SAMD12: variants seen among roughly 807,000 people sequenced by gnomAD.
The protein encoded by SAMD12 is sterile alpha motif domain-containing protein 12.
A neutral mutation model predicts 15.0 loss-of-function variants in SAMD12; 9 were observed. The ratio of observed to expected loss-of-function variants is 0.60; its 90% CI spans 0.36 to 1.05. The LOEUF is 1.05. Ranked by LOEUF, SAMD12 falls within the 50% of genes least tolerant of loss-of-function variation. The pLI, the probability that SAMD12 is intolerant of heterozygous loss-of-function variation, is 0.01. For synonymous variants in SAMD12, 86 were observed against 90.1 expected (o/e 0.96, Z 0.25); for missense variants, 230 against 234.2 (o/e 0.98, Z 0.12).
chr8:118,155,300 G>A, the SAMD12 span, among the ~76,000 whole-genome samples: 2 of 152,016 alleles, frequency 1.3e-5, no homozygotes, highest in Non-Finnish European at 2.9e-5. Flanking sequence ...AATGACAATC[G>A]AATGCTCAGA....
At chr8:118,575,486 G>C (rs1827125133) in intron 2 of SAMD12, among the ~76,000 whole-genome samples, 1 of 152,068 alleles carries the variant, frequency 6.6e-6, no homozygotes, top group Admixed American at 6.6e-5. Context: ...CATGTTAGGA[G>C]CATAAAAAAC....
intron 1 of SAMD12, among the ~76,000 whole-genome samples, chr8:118,582,202 A>G (rs1317098717): frequency 6.6e-6 from 1 of 152,132 alleles, no homozygotes; most frequent in Non-Finnish European, 1.5e-5. Context: ...TTCCCAATCA[A>G]CATTCTGGTG....
exon 5 of SAMD12, chr8:118,189,962 A>G (rs2129721602): frequency 6.6e-6 from 1 of 151,392 alleles, no homozygotes; most frequent in East Asian, 1.9e-4. Flanking sequence ...AAAAAAAAAA[A>G]AAAAAAAGAA....
rs73319370 is a variant in SAMD12, at chr8:118,598,398, A to T, written c.14-17505T>A. Among the ~76,000 whole-genome samples the T allele has an allele frequency of 7.4e-3, 1,123 of 152,302 alleles. 11 individuals carry two copies. The highest frequency in any genetic ancestry group is 0.026 in the African/African-American group (1,060 of 41,548). On this transcript the variant is annotated intron_variant, in intron 1 of 3. Coordinates refer to ENST00000314727, the MANE Select transcript of SAMD12 (RefSeq NM_207506.3). ...CACCAGAGTGTGCAAGCACAGAACA[A>T]AGGCCATCTCCAAGCCAAGTAGAAA...
At chr8:118,259,670 T>C (rs533505787) in intron 4 of SAMD12, among the ~76,000 whole-genome samples, 1 of 152,172 alleles carries the variant, frequency 6.6e-6, no homozygotes, top group African/African-American at 2.4e-5. Flanking sequence ...TTGATCTCAT[T>C]TGATTTTCAT....
chr8:118,521,521 T>C (rs899836622), intron 2 of SAMD12, among the ~76,000 whole-genome samples: 8 of 152,232 alleles, frequency 5.3e-5, no homozygotes, highest in Non-Finnish European at 7.3e-5. Flanking sequence ...ACTACTTCCA[T>C]ATTTATCCTC....
chr8:118,436,855 C>T (rs969541418), intron 3 of SAMD12, among the ~76,000 whole-genome samples: 4 of 152,360 alleles, frequency 2.6e-5, no homozygotes, highest in African/African-American at 9.6e-5. Context: ...TGTATGCTCA[C>T]TGTGACTGTG....
chr8:118,302,843 C>G (rs1183883888), intron 4 of SAMD12, among the ~76,000 whole-genome samples: 1 of 152,146 alleles, frequency 6.6e-6, no homozygotes, highest in Non-Finnish European at 1.5e-5. Context: ...TCCTTTACCT[C>G]CAGGTGGGAT....
At chr8:118,293,779 C>G (rs1814548361) in intron 4 of SAMD12, among the ~76,000 whole-genome samples, 1 of 152,142 alleles carries the variant, frequency 6.6e-6, no homozygotes, top group Non-Finnish European at 1.5e-5. Flanking sequence ...TTCAAGGAAT[C>G]CCAACTCCTT....
chr8:118,295,932 C>T (rs969818771), intron 4 of SAMD12, among the ~76,000 whole-genome samples: 1 of 152,096 alleles, frequency 6.6e-6, no homozygotes, highest in African/African-American at 2.4e-5. Context: ...GGCTGACCCA[C>T]TGCAACTGGT....
chr8:118,180,389 C>A, the SAMD12 span, among the ~76,000 whole-genome samples: 6 of 152,220 alleles, frequency 3.9e-5, no homozygotes, highest in East Asian at 9.7e-4. Flanking sequence ...TACAAATATC[C>A]ATGTACACAC....
chr8:118,473,759 C>T (rs1563882068), intron 2 of SAMD12, among the ~76,000 whole-genome samples: 1 of 152,146 alleles, frequency 6.6e-6, no homozygotes, highest in Admixed American at 6.5e-5. Flanking sequence ...TCACTGCTGT[C>T]TCTAGATAAG....
At chr8:118,399,692 T>C (rs535270233) in intron 3 of SAMD12, among the ~76,000 whole-genome samples, 2 of 152,288 alleles carry the variant, frequency 1.3e-5, no homozygotes, top group South Asian at 2.1e-4. Context: ...CTCACAAGTA[T>C]TGAACATGAG....
At chr8:118,404,033 C>T (rs901562308) in intron 3 of SAMD12, among the ~76,000 whole-genome samples, 1 of 152,096 alleles carries the variant, frequency 6.6e-6, no homozygotes, top group African/African-American at 2.4e-5. Context: ...GGCTGGAGTG[C>T]AGTGGTGCGA....
At position 118,191,794 on chromosome 8, in the gene SAMD12, A is replaced by C. The variant is rs1374301049; in HGVS notation, c.*5916T>G. On this transcript the variant is annotated 3_prime_UTR_variant, in exon 5 of 5. Coordinates refer to the SAMD12 transcript ENST00000409003. ...TATATATATATATATATATATATAT[A>C]TATATATATATATATATAGAGAGAG... The C allele has an allele frequency of 4.2e-4, 27 of 64,746 alleles. 1 individual carries two copies. The highest frequency in any genetic ancestry group is 1.6e-3 in the African/African-American group (26 of 16,540). The allele number at this position is 64,746 out of a possible 1,614,324, so 4.0% of individuals were successfully genotyped here. A position where few individuals can be genotyped will look rare whatever the true frequency, so the allele number is the denominator to read the frequency against.
intron 4 of SAMD12, among the ~76,000 whole-genome samples, chr8:118,274,967 T>C (rs1462035361): frequency 6.6e-6 from 1 of 152,240 alleles, no homozygotes; most frequent in Admixed American, 6.5e-5. Flanking sequence ...CCCATGTTTC[T>C]ATAGGCTAGA....
At chr8:118,597,978 A>T (rs1827765201) in intron 1 of SAMD12, among the ~76,000 whole-genome samples, 1 of 152,218 alleles carries the variant, frequency 6.6e-6, no homozygotes, top group Admixed American at 6.5e-5. Context: ...TTGTTGAATG[A>T]AGGAATAAAT....
chr8:118,356,248 T>C (rs1206806531), intron 4 of SAMD12, among the ~76,000 whole-genome samples: 1 of 152,170 alleles, frequency 6.6e-6, no homozygotes, highest in Non-Finnish European at 1.5e-5. Flanking sequence ...GGGACAGTGC[T>C]GGGAGGTCAA....
chr8:118,440,029 C>CT, intron 2 of SAMD12, 68 bp from the exon 3 acceptor site: 1 of 1,520,676 alleles, frequency 6.6e-7, no homozygotes, highest in Non-Finnish European at 9.0e-7. Flanking sequence ...AGTTAAAAGT[C>CT]TTAGAGTGTG....
Sources: allele counts gnomAD v4.1 joint callset (sites outside exome capture counted in the v4.1 genomes callset), GRCh38; gene constraint gnomAD v4.1.1; transcripts MANE v1.5; gene names NCBI Gene and HGNC (gene_info 2026-07-23, HGNC 2026-07-21).